CHMP3: variants seen among roughly 807,000 people sequenced by gnomAD.
The protein encoded by CHMP3 is 25.1 protein.
Under a neutral mutation model 27.4 loss-of-function variants are expected in CHMP3, and 8 were observed. The ratio of observed to expected loss-of-function variants is 0.29; its 90% confidence interval spans 0.17 to 0.53. The LOEUF (loss-of-function observed/expected upper bound fraction) is 0.53. Among genes scored for constraint, CHMP3 ranks in the 20% least tolerant of loss-of-function variants. CHMP3 has a pLI of 0.96. For missense variants in CHMP3, 208 were observed against 271.5 expected, an observed-to-expected ratio of 0.77 and a Z score of 1.64; for synonymous variants, 86 against 85.5, an observed-to-expected ratio of 1.01 and a Z score of -0.03.
chr2:86,557,142 TCTC>T (rs745682302), intron 1 of CHMP3, among the ~76,000 whole-genome samples: 5 of 152,176 alleles, frequency 3.3e-5, no homozygotes, highest in South Asian at 2.1e-4. Context: ...TCTGGCTCCT[TCTC>T]CTCCACTATC....
chr2:86,553,556 T>G (rs1312070419), intron 1 of CHMP3, among the ~76,000 whole-genome samples: 1 of 152,130 alleles, frequency 6.6e-6, no homozygotes, highest in Non-Finnish European at 1.5e-5. Flanking sequence ...GATCTCAATC[T>G]CCCGACCTCA....
intron 1 of CHMP3, chr2:86,562,637 A>T (rs1677419081): frequency 6.6e-6 from 1 of 152,214 alleles, no homozygotes; most frequent in Non-Finnish European, 1.5e-5. Flanking sequence ...GGCAGGATTC[A>T]AACTTAGGTT....
intron 2 of CHMP3, among the ~76,000 whole-genome samples, chr2:86,534,687 G>A (rs1270753504): frequency 6.6e-6 from 1 of 152,100 alleles, no homozygotes; most frequent in Non-Finnish European, 1.5e-5. Context: ...TCTTCTTGCT[G>A]TATTTAATCT....
At chr2:86,518,665 C>T (rs1675407415) in intron 3 of CHMP3, among the ~76,000 whole-genome samples, 2 of 152,084 alleles carry the variant, frequency 1.3e-5, no homozygotes. Context: ...TGTTCAGCAG[C>T]AGCCCTGGTT....
intron 1 of CHMP3, among the ~76,000 whole-genome samples, chr2:86,556,222 G>A (rs935081358): frequency 3.3e-5 from 5 of 152,082 alleles, no homozygotes; most frequent in African/African-American, 1.2e-4. Context: ...TCCCATTTTT[G>A]ACCCTCAGCT....
chr2:86,505,990 G>A, intron 5 of CHMP3, 41 bp from the exon 6 acceptor site: 2 of 1,481,726 alleles, frequency 1.3e-6, no homozygotes, highest in Non-Finnish European at 9.0e-7. Flanking sequence ...ATTGGCTTAA[G>A]GAAGCAGCCC....
At chr2:86,562,207 A>C (rs1451734801) in intron 1 of CHMP3, 1 of 152,266 alleles carries the variant, frequency 6.6e-6, no homozygotes, top group Non-Finnish European at 1.5e-5. Context: ...TGCAAGATGC[A>C]TAAGATTAGT....
intron 1 of CHMP3, among the ~76,000 whole-genome samples, chr2:86,546,387 G>C (rs1042065675): frequency 2.0e-5 from 3 of 151,784 alleles, no homozygotes; most frequent in Non-Finnish European, 2.9e-5. Context: ...GGAGGGGGAG[G>C]GGGAGTAGGA....
chr2:86,506,299 T>C (rs1449419175), intron 5 of CHMP3, among the ~76,000 whole-genome samples: 2 of 152,200 alleles, frequency 1.3e-5, no homozygotes, highest in African/African-American at 4.8e-5. Flanking sequence ...CCCAACAACT[T>C]AAACCCAACA....
At chr2:86,526,756 G>C (rs1675729872) in intron 3 of CHMP3, among the ~76,000 whole-genome samples, 1 of 151,890 alleles carries the variant, frequency 6.6e-6, no homozygotes, top group African/African-American at 2.4e-5. Flanking sequence ...GTTTTATAGA[G>C]ACAGGGTTTC....
chr2:86,523,845 G>A (rs1366497545), intron 3 of CHMP3, among the ~76,000 whole-genome samples: 2 of 152,080 alleles, frequency 1.3e-5, no homozygotes, highest in Non-Finnish European at 2.9e-5. Flanking sequence ...CTGCACCAAC[G>A]AGGAAGAATG....
chr2:86,525,104 T>A (rs1675650265), intron 3 of CHMP3, among the ~76,000 whole-genome samples: 1 of 152,284 alleles, frequency 6.6e-6, no homozygotes, highest in South Asian at 2.1e-4. Context: ...CCTAAATAAA[T>A]CATAATTTAC....
intron 1 of CHMP3, among the ~76,000 whole-genome samples, chr2:86,547,318 A>G (rs1051375072): frequency 6.6e-6 from 1 of 152,252 alleles, no homozygotes; most frequent in Admixed American, 6.5e-5. Context: ...AATAACACTT[A>G]TGTAACAATC....
At chr2:86,543,926 C>A (rs1157679971) in intron 1 of CHMP3, among the ~76,000 whole-genome samples, 1 of 152,220 alleles carries the variant, frequency 6.6e-6, no homozygotes, top group Non-Finnish European at 1.5e-5. Context: ...CAATGTCATA[C>A]AACCACCACC....
intron 3 of CHMP3, among the ~76,000 whole-genome samples, chr2:86,528,012 G>C (rs930942927): frequency 1.1e-4 from 17 of 152,038 alleles, no homozygotes; most frequent in Non-Finnish European, 1.5e-4. Flanking sequence ...TTTTTTAAAG[G>C]ATGATGTGGT....
intron 3 of CHMP3, among the ~76,000 whole-genome samples, chr2:86,528,122 A>T (rs2103941324): frequency 6.6e-6 from 1 of 152,272 alleles, no homozygotes; most frequent in Non-Finnish European, 1.5e-5. Flanking sequence ...GGTTAGGCAT[A>T]TTTTAAAACC....
intron 1 of CHMP3, chr2:86,561,800 C>T (rs1484389056): frequency 6.6e-6 from 1 of 152,164 alleles, no homozygotes; most frequent in Non-Finnish European, 1.5e-5. Flanking sequence ...GTACAATATA[C>T]TAGAGTAGTA....
At chr2:86,516,419 G>A (rs1480102673) in intron 3 of CHMP3, among the ~76,000 whole-genome samples, 1 of 152,186 alleles carries the variant, frequency 6.6e-6, no homozygotes, top group Non-Finnish European at 1.5e-5. Context: ...CACATGAAAA[G>A]ATTAGCCACT....
At chr2:86,555,929 T>C (rs1677103493) in intron 1 of CHMP3, among the ~76,000 whole-genome samples, 1 of 152,208 alleles carries the variant, frequency 6.6e-6, no homozygotes, top group Non-Finnish European at 1.5e-5. Context: ...ACCTGATCTC[T>C]TTGGGGGTGG....
Sources: gnomAD v4.1 joint callset for allele counts (sites outside exome capture counted in the v4.1 genomes callset) on GRCh38, gnomAD v4.1.1 for gene constraint, MANE v1.5 for transcripts, NCBI Gene and HGNC (gene_info 2026-07-23, HGNC 2026-07-21) for gene names.